Variants in OTOGL observed in about 807,000 individuals in gnomAD.
OTOGL encodes otogelin like, also known as otogelin-like protein.
In OTOGL, 285 loss-of-function variants were observed where a neutral mutation model predicts 318.5. The observed-to-expected ratio is 0.89, with a 90% CI of 0.81 to 0.99. The LOEUF is 0.99. Among genes scored for constraint, OTOGL ranks in the 50% least tolerant of loss-of-function variants. The pLI is 0.00. For synonymous variants in OTOGL, 987 were observed against 936.5 expected (o/e 1.05, Z -0.99); for missense variants, 2,899 against 2,845.6 (o/e 1.02, Z -0.43).
In OTOGL at chr12:80,158,174, A is replaced by T. The variant is rs112438171; in HGVS notation, c.-19-51239A>T. Among the ~76,000 whole-genome samples, 391 of 152,272 alleles carry T rather than the reference A, an allele frequency of 2.6e-3. 2 individuals are homozygous for T. Among genetic ancestry groups the T allele is most frequent in the African/African-American group, 8.6e-3 (356 of 41,572 alleles). On this transcript the variant is annotated intron_variant, in intron 1 of 58. Transcript: ENST00000547103. ...TTAAAAAAACAACAGTGTTTTAAAA[A>T]CAGTTTGTGGCAAACTTGTTTGATT... is the stretch of plus-strand genomic sequence containing the variant.
intron 27 of OTOGL, among the ~76,000 whole-genome samples, chr12:80,299,279 C>A (rs539013482): frequency 6.6e-6 from 1 of 152,176 alleles, no homozygotes; most frequent in South Asian, 2.1e-4. Flanking sequence ...TCATAAGCAC[C>A]AACCAGATAT....
chr12:80,181,886 G>A (rs1401805901), intron 1 of OTOGL, among the ~76,000 whole-genome samples: 1 of 152,132 alleles, frequency 6.6e-6, no homozygotes, highest in African/African-American at 2.4e-5. Context: ...TACATAGGCT[G>A]GGCATGGTGG....
chr12:80,127,437 G>A lies in OTOGL; in HGVS notation c.-20+27832G>A, dbSNP rs139088352. The stretch of plus-strand genomic sequence containing the variant: ...CTGTTAGTCTGATGGGCTTCCCTTT[G>A]TGGGTAACCCACCTTTCTCTCTGGC... On this transcript the variant is annotated intron_variant, in intron 1 of 58. Coordinates refer to ENST00000547103, the MANE Select transcript of OTOGL (RefSeq NM_001378609.3). 5.2e-3 allele frequency among the ~76,000 whole-genome samples: 796 copies of A among 152,284 alleles called. 10 individuals carry two copies. Among genetic ancestry groups the A allele is most frequent in the African/African-American group, 0.018 (755 of 41,550 alleles).
intron 49 of OTOGL, among the ~76,000 whole-genome samples, chr12:80,357,533 G>C (rs1342729447): frequency 6.6e-6 from 1 of 152,230 alleles, no homozygotes; most frequent in African/African-American, 2.4e-5. Context: ...AAAACTGATG[G>C]ATTCTGGCTA....
In OTOGL at chr12:80,366,654, T is replaced by A; in HGVS notation, c.6331+17T>A. 1 of 1,260,606 alleles carries A rather than the reference T, an allele frequency of 7.9e-7. No individual in the cohort carries two copies. The allele number at this position is 1,260,606 out of a possible 1,614,324, so 78.1% of individuals were successfully genotyped here. The stretch of plus-strand genomic sequence containing the variant: ...ATCTCTGTGGTAACTATGTCTTTTG[T>A]AACTTTTAAATTATAAATGAATATC... On this transcript the variant is annotated intron_variant, in intron 53 of 58. Coordinates refer to ENST00000547103, the MANE Select transcript of OTOGL (RefSeq NM_001378609.3).
intron 1 of OTOGL, among the ~76,000 whole-genome samples, chr12:80,142,606 G>A (rs1260569242): frequency 6.6e-6 from 1 of 152,128 alleles, no homozygotes; most frequent in African/African-American, 2.4e-5. Flanking sequence ...CCAAGGCCAG[G>A]AGATAATGTC....
rs199661687 is a variant in OTOGL at position 80,265,016 on chromosome 12, A to C, written c.2030A>C (p.His677Pro). The C allele has an allele frequency of 1.0e-4, 166 of 1,613,788 alleles. No individual in the cohort carries two copies. Among genetic ancestry groups the C allele is most frequent in the Non-Finnish European group, 9.3e-6 (11 of 1,179,844 alleles). ...TCTTTGTTAGTTGGGTATGCAGCAC[A>C]CTGTGATGTCATCCACCAGGAGCTC... ...INQQNIGYAA[H>P]CDVIHQELFA... The change falls in exon 20 of 59, where the codon CAC becomes CCC. Residue 677 changes from histidine (H) to proline (P), a missense_variant. His to Pro is a moderately conservative substitution (Grantham distance 77). Around this residue, in one of 3 missense-constraint regions of OTOGL, gnomAD observed 2,607 missense variants for 2,524.9 expected, o/e 1.03. Coordinates refer to ENST00000547103, the MANE Select transcript of OTOGL (RefSeq NM_001378609.3).
intron 4 of OTOGL, among the ~76,000 whole-genome samples, chr12:80,215,229 TG>T (rs1877602939): frequency 6.6e-6 from 1 of 150,778 alleles, no homozygotes; most frequent in African/African-American, 2.5e-5. Flanking sequence ...GTGAATGGCC[TG>T]ATCTCCGCTC....
At chr12:80,192,961 C>T (rs1241234885) in intron 1 of OTOGL, among the ~76,000 whole-genome samples, 1 of 151,512 alleles carries the variant, frequency 6.6e-6, no homozygotes, top group Non-Finnish European at 1.5e-5. Context: ...CCTCTTCATT[C>T]TTACATAGTA....
At chr12:80,266,185 T>C in intron 20 of OTOGL, 2 of 418,184 alleles carry the variant, frequency 4.8e-6, no homozygotes. Context: ...TCAACATATA[T>C]AGTTCTGCAA....
chr12:80,281,585 G>A (rs1884240356), intron 26 of OTOGL, among the ~76,000 whole-genome samples: 1 of 151,946 alleles, frequency 6.6e-6, no homozygotes, highest in Non-Finnish European at 1.5e-5. Context: ...TGTGCTGCTA[G>A]ATTCAGTTTG....
chr12:80,370,598 C>A lies in OTOGL; in HGVS notation c.6644C>A (p.Thr2215Asn). 6.4e-7 allele frequency: 1 copy of A among 1,562,778 alleles called. No individual in the cohort carries two copies. Among genetic ancestry groups the A allele is most frequent in the Non-Finnish European group, 8.7e-7 (1 of 1,154,502 alleles). Residue 2215 changes from threonine to asparagine, a missense_variant, in exon 56 of 59, where the codon ACC becomes AAC. Coordinates refer to ENST00000547103, the MANE Select transcript of OTOGL (RefSeq NM_001378609.3). ...GGGAGTACCTGGCACTACAATTGCA[C>A]CACATATGAATGTGTTAAAACTGAT... ...AVGSTWHYNC[T>N]TYECVKTDEG...
chr12:80,206,926 A>T (rs1459225922), intron 1 of OTOGL, among the ~76,000 whole-genome samples: 10 of 151,204 alleles, frequency 6.6e-5, no homozygotes, highest in Admixed American at 6.5e-4. Context: ...ATTCAGTGAA[A>T]ATGACTGTGA....
Position 80,127,193 on chromosome 12 carries a change from C to T in OTOGL, c.-20+27588C>T, listed in dbSNP as rs1870906406. Reference sequence around the variant, plus strand: ...AGTGGCTGGTACCGGTTTTTCCTTTCCATGTTTAGTGCTTCCTTCAGGAGC... The same window carrying T: ...AGTGGCTGGTACCGGTTTTTCCTTTTCATGTTTAGTGCTTCCTTCAGGAGC... On this transcript the variant is annotated intron_variant, in intron 1 of 58. Transcript: ENST00000547103. Among the ~76,000 whole-genome samples the T allele has an allele frequency of 2.6e-5, 4 of 152,246 alleles. No individual in the cohort carries two copies. The South Asian group carries it at 8.3e-4, about 32-fold the overall frequency.
chr12:80,303,060 C>G (rs1291223621), intron 28 of OTOGL, among the ~76,000 whole-genome samples: 1 of 152,168 alleles, frequency 6.6e-6, no homozygotes, highest in Non-Finnish European at 1.5e-5. Context: ...GTGATCTGTT[C>G]ATAATGCAAT....
chr12:80,260,895 G>A (rs750982188), intron 18 of OTOGL, among the ~76,000 whole-genome samples: 11 of 152,060 alleles, frequency 7.2e-5, no homozygotes, highest in Non-Finnish European at 1.6e-4. Context: ...AAATGAAGTA[G>A]CACAAACCAT....
chr12:80,356,006 G>A, intron 47 of OTOGL, 58 bp downstream of exon 47: 1 of 1,548,306 alleles, frequency 6.5e-7, no homozygotes, highest in South Asian at 1.1e-5. Context: ...GATATTCTTT[G>A]TGAAAAAGCA....
At chr12:80,264,885 C>T in intron 19 of OTOGL, 116 bp from the exon 20 acceptor site, 1 of 1,071,416 alleles carries the variant, frequency 9.3e-7, no homozygotes, top group Non-Finnish European at 1.4e-6. Flanking sequence ...AAATTGTTCA[C>T]TCTTGTATTA....
At chr12:80,179,772 G>T (rs1483488930) in intron 1 of OTOGL, among the ~76,000 whole-genome samples, 2 of 152,184 alleles carry the variant, frequency 1.3e-5, no homozygotes, top group African/African-American at 2.4e-5. Flanking sequence ...GCCTGTCCTT[G>T]ACTTGGGACA....
Sources: gnomAD v4.1 joint callset for allele counts (sites outside exome capture counted in the v4.1 genomes callset) on GRCh38, gnomAD v4.1.1 for gene constraint, gnomAD v4.1.1 regional missense constraint, MANE v1.5 for transcripts, NCBI Gene and HGNC (gene_info 2026-07-23, HGNC 2026-07-21) for gene names.